Variants in CR1L observed in about 807,000 individuals in gnomAD.
CR1L encodes the protein complement C3b/C4b receptor 1 like, also known as complement component receptor 1-like protein.
In CR1L, 59 loss-of-function variants were observed where a neutral mutation model predicts 62.3. The ratio of observed to expected loss-of-function variants is 0.95; its 90% CI spans 0.77 to 1.18. The LOEUF is 1.18. Among genes scored for constraint, CR1L ranks in the 50% most tolerant of loss-of-function variants. The probability of loss-of-function intolerance (pLI) is 0.00; values close to 1 mark genes in which losing one functional copy is unlikely to be tolerated. For synonymous variants in CR1L, 279 were observed against 248.7 expected, an observed-to-expected ratio of 1.12 and a Z score of -1.15; for missense variants, 700 against 702.8, an observed-to-expected ratio of 1.00 and a Z score of 0.04.
chr1:207,656,692 C>T (rs138461840), intron 1 of CR1L, among the ~76,000 whole-genome samples: 4,024 of 152,052 alleles, frequency 0.026, 187 homozygotes, highest in African/African-American at 0.092. Context: ...GTGGGGAGGA[C>T]GGGAGGTGTT....
At chr1:207,675,634 A>T (rs1046871333) in intron 1 of CR1L, among the ~76,000 whole-genome samples, 6 of 152,238 alleles carry the variant, frequency 3.9e-5, no homozygotes, top group Admixed American at 2.0e-4. Context: ...TAAGTCTAAT[A>T]AAATTGACCT....
rs769189293 is a variant in CR1L, at chr1:207,701,637, C to T, written c.1328+19C>T. On this transcript the variant is annotated intron_variant, in intron 9 of 11. Transcript: ENST00000508064. ...CTACAGGGTGAGTTGGCAGCAACAT[C>T]TCTTGGTTCCAGAGTTCCAGCACAG... The T allele has an allele frequency of 1.2e-6, 2 of 1,613,486 alleles. No homozygotes were observed. Among genetic ancestry groups the T allele is most frequent in the African/African-American group, 1.3e-5 (1 of 75,016 alleles).
chr1:207,691,950 A>C (rs1423247239), intron 4 of CR1L, among the ~76,000 whole-genome samples: 3 of 152,216 alleles, frequency 2.0e-5, no homozygotes, highest in Admixed American at 2.0e-4. Context: ...GTGGTGGAAG[A>C]GGATTTACGG....
intron 1 of CR1L, among the ~76,000 whole-genome samples, chr1:207,670,733 G>A (rs1294318560): frequency 1.3e-5 from 2 of 151,196 alleles, no homozygotes; most frequent in Non-Finnish European, 2.9e-5. Flanking sequence ...GCACCAGAAA[G>A]TAACCTGTCT....
chr1:207,663,672 C>T (rs879759087), intron 1 of CR1L, among the ~76,000 whole-genome samples: 2 of 152,240 alleles, frequency 1.3e-5, no homozygotes, highest in East Asian at 1.9e-4. Flanking sequence ...GTGAGATGAA[C>T]CCGGTACCTC....
intron 1 of CR1L, among the ~76,000 whole-genome samples, chr1:207,647,928 T>C (rs1663156824): frequency 6.6e-6 from 1 of 152,180 alleles, no homozygotes; most frequent in Non-Finnish European, 1.5e-5. Context: ...TAAAGATTAA[T>C]GTTTAGAATA....
intron 10 of CR1L, among the ~76,000 whole-genome samples, chr1:207,711,709 C>G (rs1664360656): frequency 1.3e-5 from 2 of 152,106 alleles, no homozygotes; most frequent in Non-Finnish European, 2.9e-5. Flanking sequence ...GAGTTCAAGA[C>G]CAGCCTGGCC....
At chr1:207,692,537 G>A (rs1034730229) in intron 4 of CR1L, among the ~76,000 whole-genome samples, 1 of 152,128 alleles carries the variant, frequency 6.6e-6, no homozygotes, top group African/African-American at 2.4e-5. Flanking sequence ...TGCCCTGCAT[G>A]GACTTCGCAG....
chr1:207,710,376 T>C (rs1327794164), intron 10 of CR1L: 1 of 1,445,462 alleles, frequency 6.9e-7, no homozygotes, highest in Non-Finnish European at 9.7e-7. Flanking sequence ...CGGTCTCTTT[T>C]CCCAGGAATT....
At chr1:207,666,035 A>G (rs1663517705) in intron 1 of CR1L, among the ~76,000 whole-genome samples, 1 of 152,182 alleles carries the variant, frequency 6.6e-6, no homozygotes. Context: ...TCCATGATGA[A>G]TCAGTTATGC....
rs192542930 is a variant in CR1L, at chr1:207,703,335, A to G, written c.1328+1717A>G. Among the ~76,000 whole-genome samples the G allele has an allele frequency of 3.9e-5, 6 of 152,296 alleles. No individual in the cohort carries two copies. In the East Asian group the frequency reaches 7.7e-4, roughly 20 times the overall value. ...CGTTGGTGAGTTTGAGTTGAAGCCA[A>G]TGCTCACTGACCATTCTAAAAGCCC... On this transcript the variant is annotated intron_variant, in intron 9 of 11. Coordinates refer to ENST00000508064, the MANE Select transcript of CR1L (RefSeq NM_175710.2).
intron 1 of CR1L, among the ~76,000 whole-genome samples, chr1:207,648,011 A>C (rs1416841580): frequency 2.6e-5 from 4 of 152,178 alleles, no homozygotes; most frequent in Admixed American, 2.6e-4. Flanking sequence ...TTAAAAACAA[A>C]AAATTAGCCA....
chr1:207,674,862 G>T (rs564421283), intron 1 of CR1L, among the ~76,000 whole-genome samples: 36 of 149,488 alleles, frequency 2.4e-4, no homozygotes, highest in Non-Finnish European at 4.6e-4. Flanking sequence ...TGTTTTATTC[G>T]TGTTTTTTTT....
At chr1:207,685,869 A>G (rs1342894145) in intron 4 of CR1L, among the ~76,000 whole-genome samples, 3 of 152,148 alleles carry the variant, frequency 2.0e-5, no homozygotes, top group Non-Finnish European at 4.4e-5. Context: ...CTCAAATATC[A>G]GGCTAATTTC....
intron 7 of CR1L, among the ~76,000 whole-genome samples, chr1:207,698,979 C>G (rs1198600869): frequency 6.6e-6 from 1 of 152,178 alleles, no homozygotes; most frequent in African/African-American, 2.4e-5. Flanking sequence ...TCAAGCAGGA[C>G]TATCATGTGA....
At chr1:207,661,652 G>T (rs1160255948) in intron 1 of CR1L, among the ~76,000 whole-genome samples, 1 of 152,040 alleles carries the variant, frequency 6.6e-6, no homozygotes, top group Non-Finnish European at 1.5e-5. Flanking sequence ...TACATTTAAG[G>T]TTAATATTGT....
chr1:207,648,529 A>T (rs1441794143), intron 1 of CR1L, among the ~76,000 whole-genome samples: 1 of 152,208 alleles, frequency 6.6e-6, no homozygotes, highest in East Asian at 1.9e-4. Flanking sequence ...GGTGCTGTGC[A>T]TGGGAGACCT....
chr1:207,699,932 G>C (rs1489496883), intron 8 of CR1L, among the ~76,000 whole-genome samples: 10 of 152,034 alleles, frequency 6.6e-5, no homozygotes, highest in African/African-American at 2.4e-4. Flanking sequence ...GGAAAAGTGG[G>C]GAGTAACATT....
chr1:207,660,790 A>AGGGC, intron 1 of CR1L, among the ~76,000 whole-genome samples: 1 of 152,326 alleles, frequency 6.6e-6, no homozygotes, highest in South Asian at 2.1e-4. Flanking sequence ...TTAGTGCTAT[A>AGGGC]AATTTCCCTT....
Sources: gnomAD v4.1 joint callset for allele counts (sites outside exome capture counted in the v4.1 genomes callset) on GRCh38, gnomAD v4.1.1 for gene constraint, MANE v1.5 for transcripts, NCBI Gene and HGNC (gene_info 2026-07-23, HGNC 2026-07-21) for gene names.